The following P3H2 variants were observed in gnomAD, a reference collection of about 807,000 sequenced individuals.
P3H2 encodes the protein leprecan-like 1.
P3H2 carries 80 observed loss-of-function variants against 87.0 expected under a neutral mutation model. The observed-to-expected ratio is 0.92, with a 90% CI of 0.77 to 1.11. The LOEUF (loss-of-function observed/expected upper bound fraction) is 1.11. P3H2 is among the 50% of genes least tolerant of loss of function. P3H2 has a pLI of 0.00. For synonymous variants in P3H2, 367 were observed against 359.3 expected, an observed-to-expected ratio of 1.02 and a Z score of -0.24; for missense variants, 1,001 against 923.9, an observed-to-expected ratio of 1.08 and a Z score of -1.08.
At chr3:190,121,868 G>A (rs1168595112), upstream of P3H2, among the ~76,000 whole-genome samples, 1 of 152,142 alleles carries the variant, frequency 6.6e-6, no homozygotes, top group African/African-American at 2.4e-5. Flanking sequence ...AAGGCGGGTG[G>A]ATCACCTGAG....
At chr3:189,984,703 G>A in intron 6 of P3H2, 113 bp from the exon 7 acceptor site, 1 of 764,898 alleles carries the variant, frequency 1.3e-6, no homozygotes, top group Non-Finnish European at 2.2e-6. Context: ...CTATAATTTA[G>A]GAATTTTGCA....
chr3:190,048,846 A>T (rs373967001), intron 1 of P3H2, among the ~76,000 whole-genome samples: 1 of 152,188 alleles, frequency 6.6e-6, no homozygotes, highest in East Asian at 1.9e-4. Flanking sequence ...AGAGACAGGA[A>T]AGGGACTCTC....
intron 3 of P3H2, among the ~76,000 whole-genome samples, chr3:189,989,986 C>T (rs1378892785): frequency 3.3e-5 from 5 of 152,182 alleles, no homozygotes; most frequent in Admixed American, 1.3e-4. Context: ...TTCATGGCTG[C>T]GCTGAGTGGG....
chr3:190,018,257 C>T (rs1724831287), intron 1 of P3H2, among the ~76,000 whole-genome samples: 1 of 152,178 alleles, frequency 6.6e-6, no homozygotes, highest in South Asian at 2.1e-4. Context: ...CATCTAGATG[C>T]ACATTTCTAC....
At chr3:190,067,933 CAT>C (rs1385031818) in intron 1 of P3H2, among the ~76,000 whole-genome samples, 3 of 151,978 alleles carry the variant, frequency 2.0e-5, no homozygotes, top group Non-Finnish European at 4.4e-5. Context: ...AAAAAATGTA[CAT>C]AGTTATAACA....
intron 1 of P3H2, among the ~76,000 whole-genome samples, chr3:190,115,634 A>G (rs1350228359): frequency 6.6e-6 from 1 of 152,228 alleles, no homozygotes; most frequent in African/African-American, 2.4e-5. Flanking sequence ...AGTTTGCAAC[A>G]TTAGCCAGAA....
At chr3:190,013,454 G>A (rs1256161706) in intron 1 of P3H2, among the ~76,000 whole-genome samples, 2 of 152,316 alleles carry the variant, frequency 1.3e-5, no homozygotes, top group Admixed American at 1.3e-4. Flanking sequence ...AGCAAACTTT[G>A]ATAAGCTGAA....
chr3:190,118,830 C>T lies in P3H2; in HGVS notation c.480+1422G>A, dbSNP rs143466910. Among the ~76,000 whole-genome samples, 1,264 of 151,002 alleles carry T rather than the reference C, an allele frequency of 8.4e-3. 14 individuals carry two copies. The highest frequency in any genetic ancestry group is 0.028 in the African/African-American group (1,157 of 41,200). Reference sequence around the variant, plus strand: ...ACACAGCCTGGTCCAGCCGTGCTCACGCCTATAATCCCAGCACTTTTGGAG... The same window carrying T: ...ACACAGCCTGGTCCAGCCGTGCTCATGCCTATAATCCCAGCACTTTTGGAG... On this transcript the variant is annotated intron_variant, in intron 1 of 14. Transcript: ENST00000319332.
chr3:190,049,825 A>T (rs1447937), intron 1 of P3H2, among the ~76,000 whole-genome samples: 124,405 of 152,184 alleles, frequency 0.82, 51,042 homozygotes, highest in East Asian at 0.88. Context: ...TCCCAATGTG[A>T]GTTCTGAAGC....
intron 1 of P3H2, among the ~76,000 whole-genome samples, chr3:190,107,368 T>G (rs1365255863): frequency 6.6e-6 from 1 of 152,232 alleles, no homozygotes; most frequent in Non-Finnish European, 1.5e-5. Context: ...ATTTTCTTCT[T>G]GTTGCGCTTT....
At chr3:190,100,397 T>C (rs1265499521) in intron 1 of P3H2, among the ~76,000 whole-genome samples, 1 of 152,134 alleles carries the variant, frequency 6.6e-6, no homozygotes, top group Non-Finnish European at 1.5e-5. Context: ...GATAAGATAC[T>C]AGGATTTATT....
At chr3:189,974,187 T>G in intron 9 of P3H2, 183 bp from the exon 10 acceptor site, 1 of 619,758 alleles carries the variant, frequency 1.6e-6, no homozygotes, top group Non-Finnish European at 2.8e-6. Flanking sequence ...TAATCTTCAT[T>G]CTACATTTTT....
chr3:190,109,073 T>C (rs562826256), intron 1 of P3H2, among the ~76,000 whole-genome samples: 6 of 152,184 alleles, frequency 3.9e-5, no homozygotes, highest in Non-Finnish European at 8.8e-5. Context: ...TTATACAACA[T>C]AGATATCAGA....
intron 1 of P3H2, among the ~76,000 whole-genome samples, chr3:190,062,899 G>C (rs974944258): frequency 6.6e-6 from 1 of 151,984 alleles, no homozygotes; most frequent in African/African-American, 2.4e-5. Context: ...TACCAGAATG[G>C]GATAACATCA....
chr3:189,971,026 G>A (rs1723163175), intron 12 of P3H2, 135 bp from the exon 13 acceptor site: 4 of 627,298 alleles, frequency 6.4e-6, no homozygotes, highest in Non-Finnish European at 1.2e-5. Flanking sequence ...GATATAATTG[G>A]TCCTCCAAAC....
chr3:190,068,490 A>T (rs1245197295), intron 1 of P3H2, among the ~76,000 whole-genome samples: 1 of 152,178 alleles, frequency 6.6e-6, no homozygotes, highest in Non-Finnish European at 1.5e-5. Context: ...CTCCCACAAA[A>T]GTTATTGGGT....
At chr3:190,042,980 T>C (rs1208731046) in intron 1 of P3H2, among the ~76,000 whole-genome samples, 2 of 152,214 alleles carry the variant, frequency 1.3e-5, no homozygotes, top group African/African-American at 2.4e-5. Flanking sequence ...GAAATGGTCG[T>C]TAATTTTTCT....
intron 1 of P3H2, among the ~76,000 whole-genome samples, chr3:190,105,841 T>C (rs1292858564): frequency 2.0e-5 from 3 of 152,196 alleles, no homozygotes; most frequent in Non-Finnish European, 4.4e-5. Context: ...CCCCAAGGAC[T>C]AGAGAAAGCC....
At chr3:190,058,325 C>A (rs995174963) in intron 1 of P3H2, among the ~76,000 whole-genome samples, 7 of 152,190 alleles carry the variant, frequency 4.6e-5, no homozygotes, top group Admixed American at 3.9e-4. Context: ...AATTTATTCA[C>A]CTCATAGTGA....
Sources: gnomAD v4.1 joint callset for allele counts (sites outside exome capture counted in the v4.1 genomes callset) on GRCh38, gnomAD v4.1.1 for gene constraint, MANE v1.5 for transcripts, NCBI Gene and HGNC (gene_info 2026-07-23, HGNC 2026-07-21) for gene names.